PIEZO1: variants seen among roughly 807,000 people sequenced by gnomAD.
PIEZO1 encodes the protein piezo-type mechanosensitive ion channel component 1.
Under a neutral mutation model 297.2 loss-of-function variants are expected in PIEZO1, and 296 were observed. That is an observed-to-expected ratio of 1.00 (90% CI 0.91 to 1.10). The LOEUF (loss-of-function observed/expected upper bound fraction) is 1.10, where lower values mean the gene tolerates loss of function less well. PIEZO1 is among the 50% of genes least tolerant of loss of function. The pLI is 0.00. For missense variants in PIEZO1, 5,018 were observed against 3,455.5 expected (o/e 1.45, Z -11.34); for synonymous variants, 2,427 against 1,507.5 (o/e 1.61, Z -14.13).
At chr16:88,761,986 G>A (rs189566798) in intron 1 of PIEZO1, among the ~76,000 whole-genome samples, 49 of 152,280 alleles carry the variant, frequency 3.2e-4, no homozygotes, top group African/African-American at 1.1e-3. Flanking sequence ...GCCAGCCCCC[G>A]CAGCCTCTCC....
At chr16:88,726,159 G>A (rs1333710320) in intron 27 of PIEZO1, 125 bp downstream of exon 27, 12 of 744,440 alleles carry the variant, frequency 1.6e-5, no homozygotes, top group Non-Finnish European at 1.9e-5. Flanking sequence ...TAGATGACAC[G>A]CCCATGTCAC....
At chr16:88,732,245 G>T in intron 21 of PIEZO1, 90 bp downstream of exon 21, 1 of 1,183,508 alleles carries the variant, frequency 8.4e-7, no homozygotes, top group South Asian at 1.4e-5. Context: ...ACCCAGGTGG[G>T]GCCAGGCTTG....
At chr16:88,730,886 CAG>C (rs1904756962) in intron 22 of PIEZO1, among the ~76,000 whole-genome samples, 1 of 152,236 alleles carries the variant, frequency 6.6e-6, no homozygotes, top group South Asian at 2.1e-4. Context: ...GACAGACACA[CAG>C]AGACAGCAGA....
intron 1 of PIEZO1, among the ~76,000 whole-genome samples, chr16:88,764,661 G>C (rs142858080): frequency 4.2e-4 from 64 of 150,986 alleles, no homozygotes; most frequent in African/African-American, 1.5e-3. Flanking sequence ...TGAGGCAGGA[G>C]AATCGCTTGA....
chr16:88,719,773 G>A, intron 43 of PIEZO1, 29 bp downstream of exon 43: 1 of 1,550,292 alleles, frequency 6.5e-7, no homozygotes, highest in Non-Finnish European at 8.7e-7. Flanking sequence ...CCCGGGCCGT[G>A]ACCCCCACCC....
chr16:88,722,641 C>T lies in PIEZO1; in HGVS notation c.4717G>A (p.Ala1573Thr). The change falls in exon 35 of 51, where the codon GCC becomes ACC. Residue 1573 changes from alanine to threonine, a missense_variant. Coordinates refer to ENST00000301015, the MANE Select transcript of PIEZO1 (RefSeq NM_001142864.4). ...GVLDQLYTSQ[A>T]EATLPGPTEA... ...GTGGGGCCTGGCAGCGTGGCCTCGG[C>T]CTGGCTTGTGTACAGCTGATCCAGC... The T allele has an allele frequency of 6.5e-7, 1 of 1,538,570 alleles. No individual in the cohort carries two copies. The highest frequency in any genetic ancestry group is 8.7e-7 in the Non-Finnish European group (1 of 1,146,214).
chr16:88,747,770 C>T (rs957658821), intron 2 of PIEZO1, among the ~76,000 whole-genome samples: 5 of 152,156 alleles, frequency 3.3e-5, no homozygotes, highest in South Asian at 2.1e-4. Flanking sequence ...CCAGGGAAGT[C>T]GGCCTGGATT....
Position 88,733,001 on chromosome 16 carries a change from C to T in PIEZO1, c.2665-269G>A, listed in dbSNP as rs966138261. The T allele has an allele frequency of 6.2e-5, 36 of 581,692 alleles. 1 individual carries two copies. The highest frequency in any genetic ancestry group is 9.0e-4 in the Middle Eastern group (2 of 2,224). 36.0% of individuals were successfully genotyped at this position (581,692 alleles called of 1,614,324 possible). ...GTCCCAGGCAGAGATGCCTGACTGT[C>T]TCTCCCTGTCCAGGGGTGGGGCCCT... On this transcript the variant is annotated intron_variant, in intron 19 of 50. Transcript: ENST00000301015.
At chr16:88,734,238 A>G (rs1285087746) in intron 16 of PIEZO1, 118 bp downstream of exon 16, 6 of 1,215,548 alleles carry the variant, frequency 4.9e-6, no homozygotes, top group African/African-American at 3.0e-5. Flanking sequence ...GGTATGAGCA[A>G]ATGCCCCTTG....
At position 88,738,623 on chromosome 16, in the gene PIEZO1, G is replaced by A; in HGVS notation, c.579C>T (p.His193=). 1.3e-6 allele frequency: 2 copies of A among 1,535,698 alleles called. No individual in the cohort carries two copies. The highest frequency in any genetic ancestry group is 2.4e-5 in the South Asian group (2 of 84,050). The change falls in exon 6 of 51, where the codon CAC becomes CAT. Residue 193 remains histidine, a synonymous_variant. Coordinates refer to ENST00000301015, the MANE Select transcript of PIEZO1 (RefSeq NM_001142864.4). The part of the protein sequence containing the change: ...RLAARFRVTA[H]WLLVAAGRVL... ...CCCGCCCAGCCGCCACCAGCAGCCA[G>A]TGGGCCGTGACTCGGAAACGAGCGG...
At chr16:88,782,267 T>C (rs894376962) in intron 1 of PIEZO1, among the ~76,000 whole-genome samples, 5 of 152,156 alleles carry the variant, frequency 3.3e-5, no homozygotes, top group African/African-American at 9.7e-5. Flanking sequence ...ACTACCACCA[T>C]GCCCAGCTAA....
rs377600873 is a variant in PIEZO1, at chr16:88,749,046, G to A, written c.160+338C>T. Among the ~76,000 whole-genome samples, 660 of 151,286 alleles carry A rather than the reference G, an allele frequency of 4.4e-3. 7 individuals carry two copies. Among genetic ancestry groups the A allele is most frequent in the African/African-American group, 0.015 (622 of 41,232 alleles). On this transcript the variant is annotated intron_variant, in intron 2 of 50. Coordinates refer to ENST00000301015, the MANE Select transcript of PIEZO1 (RefSeq NM_001142864.4). The stretch of plus-strand genomic sequence containing the variant: ...AGGTCAGGAGATCGAGACCATCCTG[G>A]CTATCACGGTGAAACCCCGTCTCTA...
chr16:88,758,396 C>T (rs1906774010), intron 1 of PIEZO1, among the ~76,000 whole-genome samples: 1 of 152,226 alleles, frequency 6.6e-6, no homozygotes, highest in South Asian at 2.1e-4. Flanking sequence ...ACCCTGGCTT[C>T]TGTGAGCTCT....
chr16:88,743,774 G>A (rs904798286), intron 2 of PIEZO1: 2 of 402,310 alleles, frequency 5.0e-6, no homozygotes, highest in African/African-American at 2.0e-5. Flanking sequence ...GGCAGCCGAG[G>A]CAGGTTTGGA....
chr16:88,721,859 C>G lies in PIEZO1; in HGVS notation c.5163G>C (p.Ser1721=), dbSNP rs749800419. ...PVLVFLWAML[S]IPRPSKRFWM... is the part of the protein sequence containing the mutation. ...AGAAGCGCTTGCTGGGCCTCGGGATCGACAGCATGGCCCACAGGAAGACGA... is the reference window on the plus strand; with the variant it reads ...AGAAGCGCTTGCTGGGCCTCGGGATGGACAGCATGGCCCACAGGAAGACGA... The change falls in exon 37 of 51, where the codon TCG becomes TCC. Residue 1721 remains serine (S), a synonymous_variant. Transcript: ENST00000301015. 3.9e-6 allele frequency: 6 copies of G among 1,549,660 alleles called. 1 individual carries two copies. The African/African-American group carries it at 4.1e-5, about 11-fold the overall frequency.
chr16:88,741,083 C>T (rs1905617340), intron 5 of PIEZO1: 1 of 160,486 alleles, frequency 6.2e-6, no homozygotes, highest in Admixed American at 6.3e-5. Context: ...GGCCGACAGC[C>T]TGTTTGCCTG....
At position 88,734,387 on chromosome 16, in the gene PIEZO1, G is replaced by C; in HGVS notation, c.2149C>G (p.Pro717Ala). The change falls in exon 16 of 51, where the codon CCT (proline) becomes GCT (alanine). Residue 717 changes from proline to alanine, a missense_variant. Physicochemically the swap from Pro to Ala is conservative, Grantham distance 27 (BLOSUM62 -1). Coordinates refer to ENST00000301015, the MANE Select transcript of PIEZO1 (RefSeq NM_001142864.4). ...QLTDMEHVSL[P>A]GTRLPRWAHR... is the part of the protein sequence containing the mutation. ...GCCCAGCGCGGGAGGCGCGTGCCAG[G>C]CAGGGACACGTGCTCCATGTCGGTG... The C allele has an allele frequency of 1.3e-6, 2 of 1,546,746 alleles. No homozygotes were observed. Among genetic ancestry groups the C allele is most frequent in the African/African-American group, 2.7e-5 (2 of 73,126 alleles).
Position 88,737,744 on chromosome 16 carries a change from T to G in PIEZO1, c.1091A>C (p.Glu364Ala), listed in dbSNP as rs1009613001. Residue 364 changes from glutamate (E) to alanine (A), a missense_variant, in exon 9 of 51, where the codon GAA becomes GCA. Transcript: ENST00000301015. ...GCTGCTCACCTGGTCAGACTCCCGT[T>G]CCTGGGGCCACTGGTCCAGCTCTGC... ...ELAELDQWPQ[E>A]RESDQHVVPT... The G allele has an allele frequency of 6.5e-7, 1 of 1,535,686 alleles. No homozygotes were observed. Among genetic ancestry groups the G allele is most frequent in the Non-Finnish European group, 8.7e-7 (1 of 1,146,704 alleles).
chr16:88,725,502 G>A lies in PIEZO1; in HGVS notation c.4076C>T (p.Ala1359Val). ...GCCCTGCCTGTGCTTCTCCTGCTTG[G>A]CACGGATACGCTCCATCCTGTGGTG... ...QLKRQMERIR[A>V]KQEKHRQGRV... Residue 1359 changes from alanine (A) to valine (V), a missense_variant, in exon 29 of 51, where the codon GCC becomes GTC. Physicochemically the swap from Ala to Val is moderately conservative, Grantham distance 64. Coordinates refer to ENST00000301015, the MANE Select transcript of PIEZO1 (RefSeq NM_001142864.4). 2 of 1,529,974 alleles carry A rather than the reference G, an allele frequency of 1.3e-6. No homozygotes were observed. The highest frequency in any genetic ancestry group is 2.5e-5 in the East Asian group (1 of 40,512). The allele number at this position is 1,529,974 out of a possible 1,614,324, so 94.8% of individuals were successfully genotyped here. A position where few individuals can be genotyped will look rare whatever the true frequency, so the allele number is the denominator to read the frequency against.
Sources: gnomAD v4.1 joint callset for allele counts (sites outside exome capture counted in the v4.1 genomes callset) on GRCh38, gnomAD v4.1.1 for gene constraint, MANE v1.5 for transcripts, NCBI Gene and HGNC (gene_info 2026-07-23, HGNC 2026-07-21) for gene names.